RXFP1: variants seen among roughly 807,000 people sequenced by gnomAD.
The protein encoded by RXFP1 is relaxin family peptide receptor 1, also known as relaxin receptor 1.
A neutral mutation model predicts 89.8 loss-of-function variants in RXFP1; 73 were observed. That is an observed-to-expected ratio of 0.81 (90% CI 0.67 to 0.99). RXFP1 has a LOEUF of 0.99. Among genes scored for constraint, RXFP1 ranks in the 50% least tolerant of loss-of-function variants. RXFP1 has a pLI of 0.00. For missense variants in RXFP1, 793 were observed against 895.5 expected, an observed-to-expected ratio of 0.89 and a Z score of 1.46; for synonymous variants, 277 against 305.5, an observed-to-expected ratio of 0.91 and a Z score of 0.97.
intron 1 of RXFP1, among the ~76,000 whole-genome samples, chr4:158,555,461 T>C (rs998341692): frequency 6.6e-6 from 1 of 152,242 alleles, no homozygotes; most frequent in Non-Finnish European, 1.5e-5. Flanking sequence ...AATATTTCCC[T>C]GTACTTGCTC....
intron 1 of RXFP1, among the ~76,000 whole-genome samples, chr4:158,551,021 C>T (rs1312710389): frequency 6.6e-6 from 1 of 150,906 alleles, no homozygotes; most frequent in Non-Finnish European, 1.5e-5. Flanking sequence ...TGAAAGGAGT[C>T]AATGTAACGG....
At chr4:158,591,353 G>A (rs1759426023) in intron 2 of RXFP1, among the ~76,000 whole-genome samples, 1 of 152,124 alleles carries the variant, frequency 6.6e-6, no homozygotes, top group African/African-American at 2.4e-5. Flanking sequence ...TGTGTTAAGA[G>A]TTGGGCAGGC....
chr4:158,641,565 C>G (rs1242732920), intron 14 of RXFP1, among the ~76,000 whole-genome samples: 1 of 152,226 alleles, frequency 6.6e-6, no homozygotes, highest in African/African-American at 2.4e-5. Context: ...TCATGTTCTG[C>G]TCTCCTGTCC....
intron 10 of RXFP1, among the ~76,000 whole-genome samples, chr4:158,627,470 G>C (rs908650431): frequency 1.3e-5 from 2 of 150,682 alleles, no homozygotes; most frequent in Non-Finnish European, 3.0e-5. Flanking sequence ...AGACTGCAAT[G>C]CAGATAATAA....
At chr4:158,625,935 A>T (rs1236820213) in intron 9 of RXFP1, among the ~76,000 whole-genome samples, 1 of 152,110 alleles carries the variant, frequency 6.6e-6, no homozygotes, top group Non-Finnish European at 1.5e-5. Context: ...AAGTTCCACC[A>T]TATACTCACT....
intron 1 of RXFP1, among the ~76,000 whole-genome samples, chr4:158,563,435 A>T (rs1752888731): frequency 6.6e-6 from 1 of 151,948 alleles, no homozygotes; most frequent in South Asian, 2.1e-4. Flanking sequence ...CAAAGACTTT[A>T]ATTCATTTAC....
At position 158,652,475 on chromosome 4, in the gene RXFP1, T is replaced by A. The variant is rs931327147; in HGVS notation, c.*420T>A. The A allele has an allele frequency of 6.5e-6, 1 of 153,852 alleles. No individual in the cohort carries two copies. The highest frequency in any genetic ancestry group is 2.4e-5 in the African/African-American group (1 of 41,518). The allele number at this position is 153,852 out of a possible 1,614,324, so 9.5% of individuals were successfully genotyped here. A position where few individuals can be genotyped will look rare whatever the true frequency, so the allele number is the denominator to read the frequency against. ...GTTTAAAGTAGAGCTTTACCTGTCA[T>A]GTGCATCAGCAAGAATCATAGGCAC... On this transcript the variant is annotated 3_prime_UTR_variant, in exon 18 of 18. Transcript: ENST00000307765.
chr4:158,606,604 G>C (rs1762572017), intron 5 of RXFP1, among the ~76,000 whole-genome samples: 1 of 152,010 alleles, frequency 6.6e-6, no homozygotes, highest in Non-Finnish European at 1.5e-5. Context: ...TTTTTTAAGA[G>C]ACAGGGTCTC....
At chr4:158,616,088 A>C (rs1311193090) in intron 8 of RXFP1, among the ~76,000 whole-genome samples, 1 of 152,250 alleles carries the variant, frequency 6.6e-6, no homozygotes, top group Non-Finnish European at 1.5e-5. Flanking sequence ...TCAATTTTAA[A>C]AAATGCACTA....
At chr4:158,535,880 G>A (rs944240828) in intron 1 of RXFP1, among the ~76,000 whole-genome samples, 4 of 152,046 alleles carry the variant, frequency 2.6e-5, no homozygotes, top group Non-Finnish European at 5.9e-5. Flanking sequence ...TATTTCCCTT[G>A]TGTTATTTTC....
chr4:158,550,469 T>A (rs889126440), intron 1 of RXFP1, among the ~76,000 whole-genome samples: 1 of 152,190 alleles, frequency 6.6e-6, no homozygotes, highest in African/African-American at 2.4e-5. Flanking sequence ...CTGCACCCAC[T>A]GTCTGGCACT....
At chr4:158,523,053 C>G (rs1372397888) in intron 1 of RXFP1, among the ~76,000 whole-genome samples, 1 of 152,172 alleles carries the variant, frequency 6.6e-6, no homozygotes, top group Non-Finnish European at 1.5e-5. Flanking sequence ...AGCATCAAAA[C>G]CACAGAAACT....
chr4:158,592,823 G>A (rs1281863186), intron 2 of RXFP1, among the ~76,000 whole-genome samples: 1 of 152,020 alleles, frequency 6.6e-6, no homozygotes, highest in Non-Finnish European at 1.5e-5. Flanking sequence ...GGGCATGGTG[G>A]CGCACGCCTG....
chr4:158,627,946 A>T (rs1382273546), intron 10 of RXFP1, among the ~76,000 whole-genome samples: 1 of 152,166 alleles, frequency 6.6e-6, no homozygotes, highest in Non-Finnish European at 1.5e-5. Flanking sequence ...TCCTCTTGGC[A>T]GGTGTTGTGC....
chr4:158,625,807 C>T (rs979163035), intron 9 of RXFP1, among the ~76,000 whole-genome samples: 3 of 152,044 alleles, frequency 2.0e-5, no homozygotes, highest in African/African-American at 7.2e-5. Context: ...TCCTGAACAG[C>T]TTTATGTTAC....
rs371018779 is a variant in RXFP1, at chr4:158,599,330, C to T, written c.291C>T (p.Val97=). The change falls in exon 4 of 18, where the codon GTC becomes GTT. Residue 97 remains valine, a synonymous_variant. Coordinates refer to ENST00000307765, the MANE Select transcript of RXFP1 (RefSeq NM_021634.4). ...TACCACTTCCCCTTGATTCAGTGGT[C>T]GGTTCTGTGCCAGTGCAATGTCTTT... is the stretch of plus-strand genomic sequence containing the variant. The part of the protein sequence containing the change: ...PFEAETPECL[V]GSVPVQCLCQ... 19 of 1,613,612 alleles carry T rather than the reference C, an allele frequency of 1.2e-5. No individual in the cohort carries two copies. The highest frequency in any genetic ancestry group is 5.3e-5 in the African/African-American group (4 of 74,856).
rs377291824 is a variant in RXFP1, at chr4:158,571,442, G to A, written c.50-1256G>A. ...AGCACTTTGGGAGGCCGAGATGGGC[G>A]GATCACCTGAGGTCAGGAGTTCAAG... On this transcript the variant is annotated intron_variant, in intron 1 of 17. Transcript: ENST00000307765. Among the ~76,000 whole-genome samples the A allele has an allele frequency of 2.2e-4, 34 of 152,262 alleles. No individual in the cohort carries two copies. In the East Asian group the frequency reaches 5.4e-3, roughly 24 times the overall value.
At position 158,623,502 on chromosome 4, in the gene RXFP1, C is replaced by CAAAAAAAAAAAAAAAAAAAAAAA. The variant is rs56692438; in HGVS notation, c.756-3316_756-3294dup. 2.6e-3 allele frequency among the ~76,000 whole-genome samples: 111 copies of CAAAAAAAAAAAAAAAAAAAAAAA among 42,630 alleles called. 1 individual carries two copies. Among genetic ancestry groups the CAAAAAAAAAAAAAAAAAAAAAAA allele is most frequent in the Non-Finnish European group, 3.6e-3 (74 of 20,612 alleles). 28.0% of individuals were successfully genotyped at this position (42,630 alleles called of 152,430 possible). A position where few individuals can be genotyped will look rare whatever the true frequency, so the allele number is the denominator to read the frequency against. On this transcript the variant is annotated intron_variant, in intron 9 of 17. Transcript: ENST00000307765. ...GGGCAACAAGAGTGAAACTCCATCT[C>CAAAAAAAAAAAAAAAAAAAAAAA]AAAAAAAAAAAAAAAAAAAAAAAAG... is the stretch of plus-strand genomic sequence containing the variant.
intron 2 of RXFP1, among the ~76,000 whole-genome samples, 158 bp from the exon 3 acceptor site, chr4:158,593,243 G>T (rs1196473452): frequency 6.6e-6 from 1 of 152,124 alleles, no homozygotes; most frequent in Non-Finnish European, 1.5e-5. Flanking sequence ...CCAGGTGGGG[G>T]TCCATAAATT....
Sources: gnomAD v4.1 joint callset for allele counts (sites outside exome capture counted in the v4.1 genomes callset) on GRCh38, gnomAD v4.1.1 for gene constraint, MANE v1.5 for transcripts, NCBI Gene and HGNC (gene_info 2026-07-23, HGNC 2026-07-21) for gene names.